The following CRPPA variants were observed in gnomAD, a reference collection of about 807,000 sequenced individuals.
CRPPA encodes the protein D-ribitol-5-phosphate cytidylyltransferase.
In CRPPA, 43 loss-of-function variants were observed where a neutral mutation model predicts 52.0. That is an observed-to-expected ratio of 0.83 (90% CI 0.65 to 1.07). CRPPA has a LOEUF of 1.07. Among genes scored for constraint, CRPPA ranks in the 50% least tolerant of loss-of-function variants. The probability of loss-of-function intolerance (pLI) is 0.00; values close to 1 mark genes in which losing one functional copy is unlikely to be tolerated. For missense variants in CRPPA, 629 were observed against 551.7 expected (o/e 1.14, Z -1.40); for synonymous variants, 250 against 203.5 (o/e 1.23, Z -1.94).
intron 5 of CRPPA, among the ~76,000 whole-genome samples, chr7:16,279,812 A>G (rs933986642): frequency 1.3e-5 from 2 of 152,234 alleles, no homozygotes; most frequent in Non-Finnish European, 2.9e-5. Context: ...AACAACCAAG[A>G]GAATTACTTG....
intron 9 of CRPPA, among the ~76,000 whole-genome samples, chr7:16,213,979 T>A: frequency 6.6e-6 from 1 of 152,142 alleles, no homozygotes; most frequent in Non-Finnish European, 1.5e-5. Flanking sequence ...TCCAAATTAT[T>A]TTACATGAGT....
chr7:16,134,824 G>A (rs1395167367), intron 9 of CRPPA, among the ~76,000 whole-genome samples: 2 of 152,114 alleles, frequency 1.3e-5, no homozygotes, highest in Non-Finnish European at 2.9e-5. Context: ...CAAAATATTA[G>A]AAATGCTCCT....
At chr7:16,131,244 G>C (rs1055993131) in intron 9 of CRPPA, among the ~76,000 whole-genome samples, 4 of 152,102 alleles carry the variant, frequency 2.6e-5, no homozygotes, top group Admixed American at 6.5e-5. Context: ...ACAAGAAAAA[G>C]CATACATTGC....
At chr7:16,180,359 A>C (rs1781386363) in intron 9 of CRPPA, among the ~76,000 whole-genome samples, 2 of 152,124 alleles carry the variant, frequency 1.3e-5, no homozygotes, top group African/African-American at 4.8e-5. Context: ...CATAACTCTT[A>C]ATTAGTAACA....
intron 6 of CRPPA, among the ~76,000 whole-genome samples, chr7:16,267,131 A>G (rs1231903542): frequency 6.6e-6 from 1 of 152,254 alleles, no homozygotes; most frequent in African/African-American, 2.4e-5. Flanking sequence ...CAAAGAACAG[A>G]GTATCTTAGC....
intron 5 of CRPPA, among the ~76,000 whole-genome samples, chr7:16,289,569 A>T (rs1177520023): frequency 6.6e-6 from 1 of 152,218 alleles, no homozygotes; most frequent in Non-Finnish European, 1.5e-5. Context: ...AACAGAATAA[A>T]GGCCAAAAAC....
intron 2 of CRPPA, among the ~76,000 whole-genome samples, chr7:16,400,472 C>G (rs1214496897): frequency 6.6e-6 from 1 of 152,184 alleles, no homozygotes; most frequent in Non-Finnish European, 1.5e-5. Context: ...TGACCGACAC[C>G]TGATTGACCC....
At chr7:16,225,189 A>G (rs917360867) in intron 8 of CRPPA, among the ~76,000 whole-genome samples, 3 of 152,050 alleles carry the variant, frequency 2.0e-5, no homozygotes, top group Admixed American at 2.0e-4. Flanking sequence ...ATAAGTATAC[A>G]CTGTTTCAAA....
At chr7:16,351,344 G>C (rs1425392351) in intron 3 of CRPPA, among the ~76,000 whole-genome samples, 2 of 152,170 alleles carry the variant, frequency 1.3e-5, no homozygotes, top group East Asian at 3.9e-4. Context: ...CAGGACATAC[G>C]CATGGGCAAA....
intron 9 of CRPPA, among the ~76,000 whole-genome samples, chr7:16,102,947 A>G (rs1416609776): frequency 6.6e-6 from 1 of 152,206 alleles, no homozygotes; most frequent in Non-Finnish European, 1.5e-5. Flanking sequence ...CAGGAATCCC[A>G]TTATTGGGTA....
intron 9 of CRPPA, among the ~76,000 whole-genome samples, chr7:16,114,377 G>C (rs1284019900): frequency 6.6e-6 from 1 of 151,336 alleles, no homozygotes; most frequent in East Asian, 1.9e-4. Context: ...GCAAGTTAAA[G>C]AAAATAAGAG....
intron 9 of CRPPA, among the ~76,000 whole-genome samples, chr7:16,188,701 T>G (rs867710472): frequency 6.6e-6 from 1 of 152,178 alleles, no homozygotes; most frequent in South Asian, 2.1e-4. Context: ...AGGCCCTCAG[T>G]AAATAATACT....
At chr7:16,106,236 C>G (rs1462991478) in intron 9 of CRPPA, among the ~76,000 whole-genome samples, 1 of 152,092 alleles carries the variant, frequency 6.6e-6, no homozygotes, top group East Asian at 1.9e-4. Flanking sequence ...GCAAAAAAAA[C>G]CCATCCTGTG....
intron 1 of CRPPA, among the ~76,000 whole-genome samples, chr7:16,417,550 A>G (rs1274209446): frequency 1.3e-5 from 2 of 152,224 alleles, no homozygotes; most frequent in Non-Finnish European, 2.9e-5. Flanking sequence ...CAGAAAACCA[A>G]TTACCACAAG....
intron 5 of CRPPA, among the ~76,000 whole-genome samples, chr7:16,280,976 C>T (rs1159441096): frequency 3.3e-5 from 5 of 152,112 alleles, no homozygotes; most frequent in South Asian, 4.1e-4. Flanking sequence ...GCCAAGATCA[C>T]GCCACTACAC....
At chr7:16,324,751 A>G (rs1427120390) in intron 3 of CRPPA, among the ~76,000 whole-genome samples, 1 of 152,226 alleles carries the variant, frequency 6.6e-6, no homozygotes, top group African/African-American at 2.4e-5. Flanking sequence ...ATGAGATGAA[A>G]CCAGAATTAT....
chr7:16,110,017 C>A (rs191566969), intron 9 of CRPPA, among the ~76,000 whole-genome samples: 1 of 151,738 alleles, frequency 6.6e-6, no homozygotes, highest in Non-Finnish European at 1.5e-5. Flanking sequence ...TCACTGTTTG[C>A]GGATGACATG....
intron 1 of CRPPA, among the ~76,000 whole-genome samples, chr7:16,420,722 G>A (rs888697008): frequency 6.6e-6 from 1 of 152,162 alleles, no homozygotes; most frequent in Non-Finnish European, 1.5e-5. Flanking sequence ...AGGACCGCGA[G>A]ACTATCCGCA....
chr7:16,094,218 A>G (rs1781892479), intron 9 of CRPPA, among the ~76,000 whole-genome samples: 2 of 152,186 alleles, frequency 1.3e-5, no homozygotes, highest in South Asian at 4.1e-4. Flanking sequence ...ACAAGAATCT[A>G]TGTCATTCTA....
Sources: gnomAD v4.1 joint callset for allele counts (sites outside exome capture counted in the v4.1 genomes callset) on GRCh38, gnomAD v4.1.1 for gene constraint, MANE v1.5 for transcripts, NCBI Gene and HGNC (gene_info 2026-07-23, HGNC 2026-07-21) for gene names.